TSHZ2: variants seen among roughly 807,000 people sequenced by gnomAD.
TSHZ2 encodes teashirt homolog 2.
A neutral mutation model predicts 74.4 loss-of-function variants in TSHZ2; 21 were observed. That is an observed-to-expected ratio of 0.28 (90% CI 0.20 to 0.41). TSHZ2 has a LOEUF of 0.41. TSHZ2 is among the 10% of genes least tolerant of loss of function. The pLI, the probability that TSHZ2 is intolerant of heterozygous loss-of-function variation, is 1.00. For missense variants in TSHZ2, 1,244 were observed against 1,293.5 expected (o/e 0.96, Z 0.59); for synonymous variants, 540 against 515.3 (o/e 1.05, Z -0.65).
chr20:53,143,549 G>A (rs369234033), intron 1 of TSHZ2, among the ~76,000 whole-genome samples: 2 of 151,984 alleles, frequency 1.3e-5, no homozygotes, highest in East Asian at 3.9e-4. Flanking sequence ...AAAATTAGCC[G>A]GGCATGGTGG....
At chr20:52,992,661 T>C (rs2122924648) in intron 1 of TSHZ2, among the ~76,000 whole-genome samples, 1 of 152,348 alleles carries the variant, frequency 6.6e-6, no homozygotes, top group South Asian at 2.1e-4. Flanking sequence ...TTTTTTTCTT[T>C]AAAAGAGGTG....
At chr20:52,994,713 T>G (rs2122932146) in intron 1 of TSHZ2, among the ~76,000 whole-genome samples, 1 of 152,284 alleles carries the variant, frequency 6.6e-6, no homozygotes, top group South Asian at 2.1e-4. Context: ...TGCCGTGAAG[T>G]TCTCCAGATT....
intron 2 of TSHZ2, among the ~76,000 whole-genome samples, chr20:53,414,097 G>A (rs1327435527): frequency 6.6e-6 from 1 of 151,770 alleles, no homozygotes; most frequent in Non-Finnish European, 1.5e-5. Flanking sequence ...CTTCAGCCTG[G>A]GTGACAGAGC....
intron 2 of TSHZ2, among the ~76,000 whole-genome samples, chr20:53,270,869 T>C (rs1185461228): frequency 6.6e-6 from 1 of 152,220 alleles, no homozygotes; most frequent in Non-Finnish European, 1.5e-5. Context: ...ATAATTCTAT[T>C]TTTGTTCACC....
chr20:53,102,104 T>C (rs1174817470), intron 1 of TSHZ2, among the ~76,000 whole-genome samples: 1 of 152,172 alleles, frequency 6.6e-6, no homozygotes, highest in Non-Finnish European at 1.5e-5. Flanking sequence ...GCACCTAACT[T>C]TCCAGGCAAT....
intron 2 of TSHZ2, among the ~76,000 whole-genome samples, chr20:53,282,787 G>C (rs145579749): frequency 6.6e-6 from 1 of 152,192 alleles, no homozygotes; most frequent in Non-Finnish European, 1.5e-5. Flanking sequence ...TTTGTATAAG[G>C]AGGTGGCATT....
chr20:53,145,358 C>T (rs1341049159), intron 1 of TSHZ2, among the ~76,000 whole-genome samples: 2 of 152,106 alleles, frequency 1.3e-5, no homozygotes, highest in Non-Finnish European at 2.9e-5. Flanking sequence ...ATAATAGGGC[C>T]TCTGTTTTTC....
intron 1 of TSHZ2, among the ~76,000 whole-genome samples, chr20:53,167,789 C>T (rs1988097038): frequency 1.3e-5 from 2 of 152,164 alleles, no homozygotes; most frequent in African/African-American, 4.8e-5. Context: ...CACGCTCCCA[C>T]TGGGTGGGGT....
At chr20:53,343,871 C>A (rs1180767771) in intron 2 of TSHZ2, among the ~76,000 whole-genome samples, 1 of 152,166 alleles carries the variant, frequency 6.6e-6, no homozygotes, top group Non-Finnish European at 1.5e-5. Context: ...CTTAGGAGAG[C>A]CAGGCATGAA....
intron 2 of TSHZ2, among the ~76,000 whole-genome samples, chr20:53,313,913 G>A (rs1482725394): frequency 6.6e-6 from 1 of 152,222 alleles, no homozygotes; most frequent in East Asian, 1.9e-4. Context: ...ATCCCTGTTA[G>A]AAGCAGAATT....
chr20:53,104,552 T>C (rs1017937603), intron 1 of TSHZ2, among the ~76,000 whole-genome samples: 3 of 152,242 alleles, frequency 2.0e-5, no homozygotes, highest in Admixed American at 2.0e-4. Context: ...TTTCCTTAAA[T>C]GTTAATGATG....
At chr20:53,243,106 G>A (rs1990110539) in intron 1 of TSHZ2, among the ~76,000 whole-genome samples, 1 of 152,124 alleles carries the variant, frequency 6.6e-6, no homozygotes, top group Non-Finnish European at 1.5e-5. Context: ...TGACCCATCC[G>A]ACGAAAGGCA....
chr20:53,297,835 A>G (rs1991408002), intron 2 of TSHZ2, among the ~76,000 whole-genome samples: 1 of 152,256 alleles, frequency 6.6e-6, no homozygotes, highest in Non-Finnish European at 1.5e-5. Context: ...AACACTAGAT[A>G]AATATTGCCT....
intron 1 of TSHZ2, among the ~76,000 whole-genome samples, chr20:53,252,488 A>G (rs1426572941): frequency 6.6e-6 from 1 of 152,240 alleles, no homozygotes; most frequent in African/African-American, 2.4e-5. Flanking sequence ...GAAGAAAATG[A>G]GCCCATAGGC....
rs1359454954 is a variant in TSHZ2, at chr20:53,488,969, A to G, written c.*1834A>G. The G allele has an allele frequency of 2.2e-6, 1 of 456,026 alleles. No individual in the cohort carries two copies. The highest frequency in any genetic ancestry group is 7.0e-5 in the East Asian group (1 of 14,388). The allele number at this position is 456,026 out of a possible 1,614,324, so 28.2% of individuals were successfully genotyped here. ...AATATGGCGCTTCGGGGAAGGAGGG[A>G]AAAAGTAAATGAAGTTCCAGGAATG... On this transcript the variant is annotated 3_prime_UTR_variant, in exon 3 of 3. Transcript: ENST00000371497.
intron 2 of TSHZ2, among the ~76,000 whole-genome samples, chr20:53,353,099 A>C (rs1980715055): frequency 6.6e-6 from 1 of 152,208 alleles, no homozygotes; most frequent in African/African-American, 2.4e-5. Context: ...GGAAAATGAA[A>C]ATAGAAAAAT....
intron 1 of TSHZ2, among the ~76,000 whole-genome samples, chr20:53,030,034 T>A: frequency 6.6e-6 from 1 of 152,170 alleles, no homozygotes. Context: ...ACCTACTATA[T>A]GCCAGTTCCT....
At chr20:53,061,311 G>A (rs1336811656) in intron 1 of TSHZ2, among the ~76,000 whole-genome samples, 6 of 152,168 alleles carry the variant, frequency 3.9e-5, no homozygotes, top group African/African-American at 1.4e-4. Flanking sequence ...ACCAGCACAT[G>A]CGTCAGAGAG....
At chr20:53,149,803 G>T (rs1038495570) in intron 1 of TSHZ2, among the ~76,000 whole-genome samples, 1 of 152,152 alleles carries the variant, frequency 6.6e-6, no homozygotes, top group Admixed American at 6.5e-5. Context: ...CTGCTGGCAG[G>T]CTCCTTCTCC....
Sources: allele counts gnomAD v4.1 joint callset (sites outside exome capture counted in the v4.1 genomes callset), GRCh38; gene constraint gnomAD v4.1.1; transcripts MANE v1.5; gene names NCBI Gene and HGNC (gene_info 2026-07-23, HGNC 2026-07-21).